Variants in PCNX2 observed in about 807,000 individuals in gnomAD.
PCNX2 encodes the protein pecanex-like protein 2.
Under a neutral mutation model 223.8 loss-of-function variants are expected in PCNX2, and 168 were observed. The observed-to-expected ratio is 0.75, with a 90% CI of 0.66 to 0.85. PCNX2 has a LOEUF of 0.85. Among genes scored for constraint, PCNX2 ranks in the 40% least tolerant of loss-of-function variants. The pLI is 0.00. For synonymous variants in PCNX2, 1,006 were observed against 1,052.6 expected, an observed-to-expected ratio of 0.96 and a Z score of 0.86; for missense variants, 2,507 against 2,675.5, an observed-to-expected ratio of 0.94 and a Z score of 1.39.
At chr1:233,114,227 C>G (rs1278373616) in intron 21 of PCNX2, among the ~76,000 whole-genome samples, 2 of 152,082 alleles carry the variant, frequency 1.3e-5, no homozygotes, top group Admixed American at 1.3e-4. Flanking sequence ...TCAGGGCAAA[C>G]CTGACTGAAA....
chr1:233,094,615 A>G (rs1287920914), intron 22 of PCNX2, among the ~76,000 whole-genome samples: 1 of 152,236 alleles, frequency 6.6e-6, no homozygotes, highest in Non-Finnish European at 1.5e-5. Flanking sequence ...AATATAAAAT[A>G]TATTATCACT....
chr1:233,179,234 C>T (rs768140415), intron 15 of PCNX2, 59 bp from the exon 16 acceptor site: 196 of 1,534,314 alleles, frequency 1.3e-4, no homozygotes, highest in Non-Finnish European at 1.7e-4. Context: ...AGCAGGATCT[C>T]TATCAGACAT....
intron 25 of PCNX2, among the ~76,000 whole-genome samples, chr1:233,036,644 A>T (rs1190707124): frequency 2.0e-5 from 3 of 148,912 alleles, no homozygotes; most frequent in Non-Finnish European, 4.5e-5. Flanking sequence ...AAAAAAAAAA[A>T]TTATATTTCA....
At chr1:233,290,614 A>G in intron 1 of PCNX2, 2 of 503,602 alleles carry the variant, frequency 4.0e-6, no homozygotes, top group Non-Finnish European at 5.1e-6. Flanking sequence ...TAGAAATGTC[A>G]CCAATTAGCT....
At chr1:233,017,523 A>G (rs143647119) in intron 26 of PCNX2, among the ~76,000 whole-genome samples, 2,044 of 152,070 alleles carry the variant, frequency 0.013, 26 homozygotes, top group Middle Eastern at 0.038. Flanking sequence ...TCACCATGTT[A>G]GCCAGGATGG....
intron 15 of PCNX2, among the ~76,000 whole-genome samples, chr1:233,198,031 T>G (rs1680837697): frequency 6.6e-6 from 1 of 152,148 alleles, no homozygotes; most frequent in African/African-American, 2.4e-5. Flanking sequence ...TACTGTTATA[T>G]TTAGACTTAA....
chr1:233,273,367 C>T (rs527624916), intron 1 of PCNX2, among the ~76,000 whole-genome samples: 5 of 151,816 alleles, frequency 3.3e-5, no homozygotes, highest in African/African-American at 4.8e-5. Flanking sequence ...GTGGGAGGGT[C>T]CTTAGAGGCT....
intron 8 of PCNX2, among the ~76,000 whole-genome samples, chr1:233,242,137 G>A (rs1658807606): frequency 6.6e-6 from 1 of 152,166 alleles, no homozygotes. Flanking sequence ...CACCTTTGGA[G>A]TATGGTACAC....
At chr1:233,136,778 C>T (rs897048224) in intron 20 of PCNX2, among the ~76,000 whole-genome samples, 3 of 151,796 alleles carry the variant, frequency 2.0e-5, no homozygotes, top group Non-Finnish European at 4.4e-5. Context: ...ACCTAAAAAC[C>T]CCTGTGGAAA....
intron 15 of PCNX2, among the ~76,000 whole-genome samples, chr1:233,188,984 T>C (rs1680267376): frequency 6.6e-6 from 1 of 152,152 alleles, no homozygotes; most frequent in East Asian, 1.9e-4. Context: ...GGGAGGAAAT[T>C]GTACAAGGCA....
intron 2 of PCNX2, 39 bp from the exon 3 acceptor site, chr1:233,262,204 T>C: frequency 6.2e-7 from 1 of 1,610,324 alleles, no homozygotes; most frequent in Non-Finnish European, 8.5e-7. Context: ...GTGAGCGATA[T>C]TATCAAACAG....
intron 21 of PCNX2, among the ~76,000 whole-genome samples, chr1:233,113,315 A>G (rs1254618747): frequency 1.3e-5 from 2 of 152,192 alleles, no homozygotes; most frequent in African/African-American, 4.8e-5. Context: ...CAAGATTCAT[A>G]AGAAGCCAAG....
chr1:232,998,296 C>T lies in PCNX2; in HGVS notation c.5746G>A (p.Gly1916Ser), dbSNP rs777572336. The T allele has an allele frequency of 4.9e-5, 78 of 1,606,930 alleles. No individual in the cohort carries two copies. The highest frequency in any genetic ancestry group is 1.7e-4 in the Middle Eastern group (1 of 6,048). The change falls in exon 32 of 34, where the codon GGT (glycine) becomes AGT (serine). Residue 1916 changes from glycine to serine, a missense_variant. Gly to Ser is a moderately conservative substitution (Grantham distance 56, BLOSUM62 0). Transcript: ENST00000258229. ...CAGGATGACACCCCGTGCTGAGCAC[C>T]GCCTTTTCTGGGCTGTTCTGCGCTG... ...ESSAEQPRKG[G>S]AQHGVSSCEG...
intron 10 of PCNX2, among the ~76,000 whole-genome samples, chr1:233,221,794 TGATTGAAA>T (rs1657396070): frequency 6.6e-6 from 1 of 152,162 alleles, no homozygotes; most frequent in African/African-American, 2.4e-5. Flanking sequence ...AACGAAGGAC[TGATTGAAA>T]GAATAAAGAT....
rs565284495 is a variant in PCNX2, at chr1:233,058,680, T to A, written c.4077-1390A>T. On this transcript the variant is annotated intron_variant, in intron 23 of 33. Coordinates refer to ENST00000258229, the MANE Select transcript of PCNX2 (RefSeq NM_014801.4). ...CTTTTCTTTTCTTTTTTTTTTTTTT[T>A]TTTTGAGATGGAGTCTCGCTCTGTC... Among the ~76,000 whole-genome samples the A allele has an allele frequency of 5.2e-3, 777 of 148,480 alleles. 6 individuals carry two copies. Among genetic ancestry groups the A allele is most frequent in the African/African-American group, 0.018 (723 of 40,016 alleles).
intron 15 of PCNX2, among the ~76,000 whole-genome samples, chr1:233,189,480 T>C (rs1680298433): frequency 6.6e-6 from 1 of 152,126 alleles, no homozygotes. Flanking sequence ...AATTACTTAA[T>C]CTCTCTTTGG....
intron 25 of PCNX2, among the ~76,000 whole-genome samples, chr1:233,035,811 C>T (rs919998681): frequency 2.0e-5 from 3 of 152,174 alleles, no homozygotes; most frequent in Non-Finnish European, 4.4e-5. Flanking sequence ...TTTACTTCCA[C>T]AGCCCAGAGT....
chr1:232,999,619 A>G (rs1304291559), intron 30 of PCNX2: 2 of 458,660 alleles, frequency 4.4e-6, no homozygotes, highest in Admixed American at 4.1e-5. Flanking sequence ...ACACCTGGCT[A>G]ATTTTGTATT....
At chr1:233,008,032 T>C (rs1297581279) in intron 28 of PCNX2, among the ~76,000 whole-genome samples, 2 of 152,184 alleles carry the variant, frequency 1.3e-5, no homozygotes, top group East Asian at 3.8e-4. Flanking sequence ...ACTCATCCCT[T>C]TAAAGGCTTC....
Sources: allele counts gnomAD v4.1 joint callset (sites outside exome capture counted in the v4.1 genomes callset), GRCh38; gene constraint gnomAD v4.1.1; transcripts MANE v1.5; gene names NCBI Gene and HGNC (gene_info 2026-07-23, HGNC 2026-07-21).